PHC3: variants seen among roughly 807,000 people sequenced by gnomAD.
The protein encoded by PHC3 is polyhomeotic-like protein 3.
A neutral mutation model predicts 107.4 loss-of-function variants in PHC3; 13 were observed. The ratio of observed to expected loss-of-function variants is 0.12; its 90% CI spans 0.08 to 0.19. The LOEUF (loss-of-function observed/expected upper bound fraction) is 0.19, where lower values mean the gene tolerates loss of function less well. Ranked by LOEUF, PHC3 falls within the 10% of genes least tolerant of loss-of-function variation. The pLI is 1.00. For missense variants in PHC3, 992 were observed against 1,210.9 expected (o/e 0.82, Z 2.68); for synonymous variants, 456 against 427.4 (o/e 1.07, Z -0.83).
chr3:170,146,512 T>C (rs1475014493), intron 5 of PHC3, among the ~76,000 whole-genome samples: 3 of 150,046 alleles, frequency 2.0e-5, no homozygotes, highest in South Asian at 2.1e-4. Flanking sequence ...CTTATCACTT[T>C]CCTTTTTTTT....
At position 170,094,026 on chromosome 3, in the gene PHC3, T is replaced by C. The variant is rs1290798203; in HGVS notation, c.*3204A>G. On this transcript the variant is annotated 3_prime_UTR_variant, in exon 15 of 15. Coordinates refer to ENST00000495893, the MANE Select transcript of PHC3 (RefSeq NM_024947.4). ...CCATGCTCAAGCTTTTGCATTACCA[T>C]TTCTCTCCTCCCATTCCACCTTGTC... 6.6e-6 allele frequency: 1 copy of C among 152,218 alleles called. No individual in the cohort carries two copies. 9.4% of individuals were successfully genotyped at this position (152,218 alleles called of 1,614,324 possible). A position where few individuals can be genotyped will look rare whatever the true frequency, so the allele number is the denominator to read the frequency against.
intron 9 of PHC3, among the ~76,000 whole-genome samples, chr3:170,120,187 A>G (rs1441849150): frequency 6.6e-6 from 1 of 152,196 alleles, no homozygotes; most frequent in Non-Finnish European, 1.5e-5. Flanking sequence ...CCTTTAAATC[A>G]AAACTCCAGT....
At chr3:170,151,558 T>C (rs764005400) in intron 4 of PHC3, among the ~76,000 whole-genome samples, 2 of 152,190 alleles carry the variant, frequency 1.3e-5, no homozygotes, top group Non-Finnish European at 2.9e-5. Context: ...TATAAGGGTA[T>C]CTTGGTTCTA....
intron 1 of PHC3, 56 bp downstream of exon 1, chr3:170,181,646 C>G: frequency 6.2e-7 from 1 of 1,612,332 alleles, no homozygotes; most frequent in Non-Finnish European, 8.5e-7. Context: ...GGGAACGTGT[C>G]GCTGCCCCAA....
chr3:170,093,553 G>A lies in PHC3; in HGVS notation c.*3677C>T, dbSNP rs1714323401. 6.6e-6 allele frequency: 1 copy of A among 152,128 alleles called. No individual in the cohort carries two copies. The highest frequency in any genetic ancestry group is 1.5e-5 in the Non-Finnish European group (1 of 68,022). The allele number at this position is 152,128 out of a possible 1,614,324, so 9.4% of individuals were successfully genotyped here. A position where few individuals can be genotyped will look rare whatever the true frequency, so the allele number is the denominator to read the frequency against. On this transcript the variant is annotated 3_prime_UTR_variant, in exon 15 of 15. Coordinates refer to ENST00000495893, the MANE Select transcript of PHC3 (RefSeq NM_024947.4). Reference sequence around the variant, plus strand: ...ATAATAGTGTATTCTTTCAAAAATTGTTTATACACACTTAATATAGGCATA... The same window carrying A: ...ATAATAGTGTATTCTTTCAAAAATTATTTATACACACTTAATATAGGCATA...
intron 1 of PHC3, among the ~76,000 whole-genome samples, chr3:170,180,148 C>CAAAAAAAAAAAAAAAAAAAAAA (rs1220290778): frequency 2.4e-5 from 2 of 82,922 alleles, no homozygotes. Context: ...AAAAACCGAA[C>CAAAAAAAAAAAAAAAAAAAAAA]AAAAAAAAAA....
chr3:170,162,301 C>A (rs971165847), intron 4 of PHC3, among the ~76,000 whole-genome samples: 6 of 152,168 alleles, frequency 3.9e-5, no homozygotes, highest in South Asian at 2.1e-4. Flanking sequence ...ACTCATATAA[C>A]CAATGCCTAC....
intron 6 of PHC3, among the ~76,000 whole-genome samples, chr3:170,141,251 G>C (rs1268116218): frequency 6.6e-6 from 1 of 152,164 alleles, no homozygotes; most frequent in African/African-American, 2.4e-5. Context: ...ATAAGTGTGA[G>C]CATCACCTAC....
chr3:170,106,221 A>T (rs185816139), intron 12 of PHC3, among the ~76,000 whole-genome samples: 98 of 152,296 alleles, frequency 6.4e-4, no homozygotes, highest in Non-Finnish European at 1.3e-3. Flanking sequence ...CCAAAAACAA[A>T]CAAACGAACA....
At chr3:170,118,106 TTTTGA>T (rs1452037397) in intron 9 of PHC3, among the ~76,000 whole-genome samples, 1 of 152,206 alleles carries the variant, frequency 6.6e-6, no homozygotes, top group Non-Finnish European at 1.5e-5. Context: ...CTTGGTTTTG[TTTTGA>T]TGTTTCTTAA....
intron 14 of PHC3, among the ~76,000 whole-genome samples, chr3:170,101,702 G>C (rs1007357350): frequency 2.6e-5 from 4 of 152,002 alleles, no homozygotes; most frequent in African/African-American, 9.7e-5. Flanking sequence ...AACTAGTGTG[G>C]GTCTCATCAT....
chr3:170,147,738 C>T (rs1436903062), intron 5 of PHC3: 1 of 152,150 alleles, frequency 6.6e-6, no homozygotes, highest in Non-Finnish European at 1.5e-5. Context: ...GGCCTGGCAA[C>T]AATCCACCAC....
At chr3:170,154,838 T>C (rs1344951694) in intron 4 of PHC3, among the ~76,000 whole-genome samples, 2 of 152,202 alleles carry the variant, frequency 1.3e-5, no homozygotes, top group African/African-American at 4.8e-5. Flanking sequence ...CTAGCTAGCC[T>C]AACTAAAAAA....
chr3:170,116,840 G>A (rs995051830), intron 10 of PHC3, among the ~76,000 whole-genome samples: 5 of 151,704 alleles, frequency 3.3e-5, no homozygotes, highest in African/African-American at 1.2e-4. Context: ...GAGCCCCAGG[G>A]GTCAAGGTAA....
At chr3:170,121,662 G>T (rs1218931349) in intron 9 of PHC3, among the ~76,000 whole-genome samples, 2 of 152,058 alleles carry the variant, frequency 1.3e-5, no homozygotes, top group Admixed American at 6.6e-5. Context: ...AGAAGTCCAG[G>T]TAAGAATTTT....
At chr3:170,166,579 T>C (rs1206186429) in intron 4 of PHC3, among the ~76,000 whole-genome samples, 1 of 152,214 alleles carries the variant, frequency 6.6e-6, no homozygotes, top group Non-Finnish European at 1.5e-5. Flanking sequence ...TTCACTATTA[T>C]ACATCCTGCA....
chr3:170,106,417 T>C (rs564737376), intron 12 of PHC3, among the ~76,000 whole-genome samples: 10 of 152,176 alleles, frequency 6.6e-5, no homozygotes, highest in African/African-American at 2.4e-4. Context: ...ACAAAGTAAA[T>C]CAAAGTATTT....
At chr3:170,176,425 T>C (rs1006396365) in intron 2 of PHC3, among the ~76,000 whole-genome samples, 5 of 152,046 alleles carry the variant, frequency 3.3e-5, no homozygotes, top group South Asian at 2.1e-4. Context: ...GTATCCACCA[T>C]GGAAAAATGG....
In PHC3 at chr3:170,093,054, C is replaced by G. The variant is rs1428940993; in HGVS notation, c.*4176G>C. 1 of 152,232 alleles carries G rather than the reference C, an allele frequency of 6.6e-6. No homozygotes were observed. 9.4% of individuals were successfully genotyped at this position (152,232 alleles called of 1,614,324 possible). On this transcript the variant is annotated 3_prime_UTR_variant, in exon 15 of 15. Transcript: ENST00000495893. ...TCTCCTCCTCTACTTCCCTATCCTT[C>G]CCCCTAGAAAACCTTCCTTAGGGCC...
Sources: gnomAD v4.1 joint callset for allele counts (sites outside exome capture counted in the v4.1 genomes callset) on GRCh38, gnomAD v4.1.1 for gene constraint, MANE v1.5 for transcripts, NCBI Gene and HGNC (gene_info 2026-07-23, HGNC 2026-07-21) for gene names.